EGFR: variants seen among roughly 807,000 people sequenced by gnomAD.
EGFR encodes the protein avian erythroblastic leukemia viral (v-erb-b) oncogene homolog.
EGFR carries 58 observed loss-of-function variants against 143.0 expected under a neutral mutation model. That is an observed-to-expected ratio of 0.41 (90% CI 0.33 to 0.50). The LOEUF (loss-of-function observed/expected upper bound fraction) is 0.50, where lower values mean the gene tolerates loss of function less well. Ranked by LOEUF, EGFR falls within the 20% of genes least tolerant of loss-of-function variation. EGFR has a pLI of 0.39. For synonymous variants in EGFR, 613 were observed against 594.4 expected (o/e 1.03, Z -0.45); for missense variants, 1,307 against 1,579.0 (o/e 0.83, Z 2.92).
rs2128968716 is a variant in EGFR, at chr7:55,198,766, A to G, written c.2751A>G (p.Gly917=). Residue 917 remains glycine, a synonymous_variant, in exon 23 of 28, where the codon GGA becomes GGG. Coordinates refer to ENST00000275493, the MANE Select transcript of EGFR (RefSeq NM_005228.5). ...LMTFGSKPYD[G]IPASEISSIL... The stretch of plus-strand genomic sequence containing the variant: ...CCTTTGGATCCAAGCCATATGACGG[A>G]ATCCCTGCCAGCGAGATCTCCTCCA... 6.2e-7 allele frequency: 1 copy of G among 1,614,136 alleles called. No homozygotes were observed. The highest frequency in any genetic ancestry group is 8.5e-7 in the Non-Finnish European group (1 of 1,180,022).
chr7:55,054,789 G>A (rs528887590), intron 1 of EGFR, among the ~76,000 whole-genome samples: 26 of 152,302 alleles, frequency 1.7e-4, no homozygotes, highest in Middle Eastern at 6.8e-3. Flanking sequence ...TTCTGGCATG[G>A]CTGCTTCTTC....
intron 20 of EGFR, among the ~76,000 whole-genome samples, chr7:55,184,709 C>T (rs747979178): frequency 4.7e-4 from 71 of 152,280 alleles, no homozygotes; most frequent in Non-Finnish European, 8.8e-4. Flanking sequence ...TTTTACATTA[C>T]GGGCAGTTAA....
intron 1 of EGFR, among the ~76,000 whole-genome samples, chr7:55,111,965 G>A (rs1792519672): frequency 6.6e-6 from 1 of 152,182 alleles, no homozygotes; most frequent in South Asian, 2.1e-4. Flanking sequence ...GTCCCAGGGT[G>A]GGATTGCGTG....
chr7:55,163,838 C>T lies in EGFR; in HGVS notation c.1722+15C>T, dbSNP rs761352455. 2 of 1,613,690 alleles carry T rather than the reference C, an allele frequency of 1.2e-6. No individual in the cohort carries two copies. The highest frequency in any genetic ancestry group is 2.2e-5 in the South Asian group (2 of 91,070). ...GCACAGGACGGGTAAGAGCCCCTTG[C>T]TGCTATCCACGTCCATTTCATGGGA... On this transcript the variant is annotated intron_variant, in intron 14 of 27. Coordinates refer to ENST00000275493, the MANE Select transcript of EGFR (RefSeq NM_005228.5).
intron 11 of EGFR, among the ~76,000 whole-genome samples, chr7:55,159,569 AG>A (rs1225484523): frequency 6.6e-6 from 1 of 152,182 alleles, no homozygotes. Flanking sequence ...ACCTGGTCAG[AG>A]GCCCCTGCTC....
chr7:55,043,312 G>A (rs1282035569), intron 1 of EGFR, among the ~76,000 whole-genome samples: 1 of 152,118 alleles, frequency 6.6e-6, no homozygotes, highest in Non-Finnish European at 1.5e-5. Flanking sequence ...TCACACTGGG[G>A]CATCTAGTGA....
chr7:55,163,171 A>G (rs780673574), intron 13 of EGFR, among the ~76,000 whole-genome samples: 4 of 152,274 alleles, frequency 2.6e-5, no homozygotes, highest in Non-Finnish European at 2.9e-5. Context: ...GGCAGAGTCC[A>G]GTCTTACTGA....
intron 22 of EGFR, among the ~76,000 whole-genome samples, chr7:55,193,956 G>A (rs566646908): frequency 6.6e-6 from 1 of 152,324 alleles, no homozygotes; most frequent in South Asian, 2.1e-4. Context: ...AATAAGTGAA[G>A]TTTGGTGTGC....
intron 1 of EGFR, among the ~76,000 whole-genome samples, chr7:55,122,157 TC>T (rs1034662821): frequency 6.6e-6 from 1 of 152,198 alleles, no homozygotes; most frequent in Non-Finnish European, 1.5e-5. Context: ...TCTCCAGTCT[TC>T]GGGCCACATT....
intron 4 of EGFR, among the ~76,000 whole-genome samples, chr7:55,150,922 T>C (rs1483042578): frequency 6.6e-6 from 1 of 152,144 alleles, no homozygotes; most frequent in African/African-American, 2.4e-5. Context: ...AAGTAGTGGG[T>C]CCATGCCAAA....
At position 55,206,854 on chromosome 7, in the gene EGFR, G is replaced by A; in HGVS notation, c.*1237G>A. On this transcript the variant is annotated 3_prime_UTR_variant, in exon 28 of 28. Coordinates refer to ENST00000275493, the MANE Select transcript of EGFR (RefSeq NM_005228.5). ...GCACTTACAGCTCTGGCCACAACAG[G>A]GCATTTTACAGGTGCGAATGACAGT... The A allele has an allele frequency of 4.3e-6, 1 of 233,210 alleles. No homozygotes were observed. The highest frequency in any genetic ancestry group is 6.0e-5 in the East Asian group (1 of 16,584). 14.4% of individuals were successfully genotyped at this position (233,210 alleles called of 1,614,324 possible). A position where few individuals can be genotyped will look rare whatever the true frequency, so the allele number is the denominator to read the frequency against.
intron 1 of EGFR, among the ~76,000 whole-genome samples, chr7:55,110,752 C>T (rs986436805): frequency 5.3e-5 from 8 of 152,184 alleles, no homozygotes; most frequent in African/African-American, 1.2e-4. Context: ...ATTTTAGCCC[C>T]GCTCTCCTTT....
chr7:55,051,445 G>A (rs560206938), intron 1 of EGFR, among the ~76,000 whole-genome samples: 1 of 152,104 alleles, frequency 6.6e-6, no homozygotes, highest in East Asian at 1.9e-4. Context: ...AGAAAATTGA[G>A]TGCAGCCCCC....
At position 55,055,439 on chromosome 7, in the gene EGFR, TTCTC is replaced by T; in HGVS notation, c.88+36076_88+36079del. Among the ~76,000 whole-genome samples, 4 of 152,278 alleles carry T rather than the reference TTCTC, an allele frequency of 2.6e-5. No homozygotes were observed. In the South Asian group the frequency reaches 8.3e-4, roughly 32 times the overall value. ...GCCTTTTAGGTGGTCTTCTTTGGCTTTCTCTATCTAAAGTTCAAAACCGAACATG... is the reference window on the plus strand; with the variant it reads ...GCCTTTTAGGTGGTCTTCTTTGGCTTTATCTAAAGTTCAAAACCGAACATG... On this transcript the variant is annotated intron_variant, in intron 1 of 27. Coordinates refer to ENST00000275493, the MANE Select transcript of EGFR (RefSeq NM_005228.5).
chr7:55,102,731 A>G (rs1010797829), intron 1 of EGFR, among the ~76,000 whole-genome samples: 2 of 152,256 alleles, frequency 1.3e-5, no homozygotes, highest in East Asian at 3.8e-4. Context: ...GTGTATGTTT[A>G]TCTAAGTATC....
At chr7:55,121,917 C>G (rs1197057794) in intron 1 of EGFR, among the ~76,000 whole-genome samples, 1 of 152,220 alleles carries the variant, frequency 6.6e-6, no homozygotes, top group African/African-American at 2.4e-5. Context: ...AGGCAGTTCC[C>G]TGCTGCCCAG....
In EGFR at chr7:55,146,760, T is replaced by C. The variant is rs771969559; in HGVS notation, c.559+20T>C. ...GCAGCTGTAAGTGTCGCATACACAC[T>C]ATCTCTGCCTCCAGCTCCTATGGGG... On this transcript the variant is annotated intron_variant, in intron 4 of 27. Transcript: ENST00000275493. The C allele has an allele frequency of 5.0e-6, 8 of 1,614,096 alleles. No homozygotes were observed. The highest frequency in any genetic ancestry group is 6.8e-6 in the Non-Finnish European group (8 of 1,179,996).
At chr7:55,147,363 C>T (rs932677314) in intron 4 of EGFR, among the ~76,000 whole-genome samples, 2 of 152,248 alleles carry the variant, frequency 1.3e-5, no homozygotes, top group African/African-American at 4.8e-5. Context: ...GAGACGCAAG[C>T]TCACACTCAC....
chr7:55,123,049 C>A (rs1382803127), intron 1 of EGFR, among the ~76,000 whole-genome samples: 1 of 152,206 alleles, frequency 6.6e-6, no homozygotes, highest in African/African-American at 2.4e-5. Flanking sequence ...GAAGGATGAC[C>A]AGGCTAGTTT....
Sources: allele counts gnomAD v4.1 joint callset (sites outside exome capture counted in the v4.1 genomes callset), GRCh38; gene constraint gnomAD v4.1.1; transcripts MANE v1.5; gene names NCBI Gene and HGNC (gene_info 2026-07-23, HGNC 2026-07-21).